MTCL1: variants seen among roughly 807,000 people sequenced by gnomAD.
MTCL1 encodes the protein microtubule cross-linking factor 1.
A neutral mutation model predicts 141.4 loss-of-function variants in MTCL1; 79 were observed. The ratio of observed to expected loss-of-function variants is 0.56; its 90% CI spans 0.47 to 0.67. The LOEUF (loss-of-function observed/expected upper bound fraction) is 0.67, where lower values mean the gene tolerates loss of function less well. Ranked by LOEUF, MTCL1 falls within the 30% of genes least tolerant of loss-of-function variation. MTCL1 has a pLI of 0.00. For missense variants in MTCL1, 2,177 were observed against 2,113.9 expected, an observed-to-expected ratio of 1.03 and a Z score of -0.59; for synonymous variants, 914 against 875.8, an observed-to-expected ratio of 1.04 and a Z score of -0.77.
At chr18:8,802,878 C>T (rs984338575) in intron 10 of MTCL1, among the ~76,000 whole-genome samples, 4 of 152,190 alleles carry the variant, frequency 2.6e-5, no homozygotes, top group African/African-American at 9.6e-5. Context: ...AAAGGTTGCA[C>T]GGCTAGACCC....
At chr18:8,802,416 G>C (rs1423496227) in intron 10 of MTCL1, 1 of 152,224 alleles carries the variant, frequency 6.6e-6, no homozygotes, top group Admixed American at 6.5e-5. Flanking sequence ...AAGCAAAGTA[G>C]TCGGTGGTGG....
intron 4 of MTCL1, among the ~76,000 whole-genome samples, chr18:8,745,196 A>C (rs2096329670): frequency 6.6e-6 from 1 of 152,238 alleles, no homozygotes; most frequent in African/African-American, 2.4e-5. Context: ...TAATTTAAAG[A>C]ATAGTAAAAA....
chr18:8,772,824 A>C (rs586780), intron 4 of MTCL1, among the ~76,000 whole-genome samples: 46,483 of 151,750 alleles, frequency 0.31, 7,828 homozygotes, highest in East Asian at 0.54. Context: ...GTCTAGAAAT[A>C]TAGTATACAA....
At chr18:8,742,113 A>G (rs1403776054) in intron 4 of MTCL1, among the ~76,000 whole-genome samples, 1 of 151,662 alleles carries the variant, frequency 6.6e-6, no homozygotes, top group East Asian at 1.9e-4. Flanking sequence ...TCTAGATAGG[A>G]CAAAAAAAAT....
chr18:8,731,118 G>A (rs534353853), intron 4 of MTCL1, among the ~76,000 whole-genome samples: 38 of 152,146 alleles, frequency 2.5e-4, no homozygotes, highest in African/African-American at 8.4e-4. Context: ...GGTGGCGGGC[G>A]CCTGTAGTCA....
intron 11 of MTCL1, among the ~76,000 whole-genome samples, chr18:8,808,744 C>T (rs1314746502): frequency 6.6e-6 from 1 of 152,248 alleles, no homozygotes; most frequent in Non-Finnish European, 1.5e-5. Flanking sequence ...CTTCAGCAGA[C>T]TCCTAAGTCA....
intron 1 of MTCL1, chr18:8,717,829 G>C (rs2096139675): frequency 4.4e-6 from 4 of 918,186 alleles, no homozygotes; most frequent in Non-Finnish European, 5.2e-6. Context: ...GTGTGGGAAA[G>C]TCAGAATAGG....
At chr18:8,757,196 G>A (rs1046877653) in intron 4 of MTCL1, among the ~76,000 whole-genome samples, 1 of 149,444 alleles carries the variant, frequency 6.7e-6, no homozygotes, top group Non-Finnish European at 1.5e-5. Context: ...GGCAGCTGTG[G>A]TGTTTTCATC....
Position 8,720,508 on chromosome 18 carries a change from C to T in MTCL1, c.357+12C>T, listed in dbSNP as rs2096162846. On this transcript the variant is annotated intron_variant, in intron 4 of 16. Coordinates refer to ENST00000359865, the Ensembl canonical transcript of MTCL1. Reference sequence around the variant, plus strand: ...AGAGACTGAAAGAGGTAATCCAAAACTGTGGGGGTCCTGCCCCCTTGGATT... The same window carrying T: ...AGAGACTGAAAGAGGTAATCCAAAATTGTGGGGGTCCTGCCCCCTTGGATT... 1 of 1,612,368 alleles carries T rather than the reference C, an allele frequency of 6.2e-7. No individual in the cohort carries two copies. The highest frequency in any genetic ancestry group is 2.2e-5 in the East Asian group (1 of 44,850).
chr18:8,768,932 CAGG>C (rs2096472643), intron 4 of MTCL1, among the ~76,000 whole-genome samples: 2 of 151,754 alleles, frequency 1.3e-5, no homozygotes, highest in African/African-American at 2.4e-5. Context: ...GCTGGGATTA[CAGG>C]TGTGCATCAG....
At chr18:8,831,161 G>A (rs1443062446) in intron 16 of MTCL1, 31 of 989,814 alleles carry the variant, frequency 3.1e-5, no homozygotes, top group Non-Finnish European at 3.7e-5. Flanking sequence ...AGGTCTCTTT[G>A]TGGGCTCCCA....
rs1353456358 is a variant in MTCL1, at chr18:8,828,208, C to T, written c.4723-700C>T. 6.6e-6 allele frequency among the ~76,000 whole-genome samples: 1 copy of T among 152,206 alleles called. No homozygotes were observed. The highest frequency in any genetic ancestry group is 1.5e-5 in the Non-Finnish European group (1 of 68,050). ...GACTACTTCTGATTCCAAGCCCACC[C>T]AGTGCGCTGTTGCGGAATCTTTCCC... On this transcript the variant is annotated intron_variant, in intron 15 of 16. Transcript: ENST00000359865. This position sits in a 1 kb window ranked among gnomAD's most constrained non-coding sequence, Gnocchi z 5.2.
exon 6 of MTCL1, chr18:8,784,453 C>T (rs1023405551): frequency 3.2e-6 from 5 of 1,538,720 alleles, no homozygotes; most frequent in Non-Finnish European, 4.4e-6. Context: ...TCCTGAAGGC[C>T]CGGGAGGACT....
chr18:8,786,270 C>T (rs750432571), intron 7 of MTCL1, 179 bp downstream of exon 6: 26 of 763,490 alleles, frequency 3.4e-5, no homozygotes, highest in African/African-American at 1.9e-4. Flanking sequence ...GGCAGGTGTG[C>T]GCAGGTGCCT....
At chr18:8,785,913 A>G (rs748487832) in intron 6 of MTCL1, 23 bp from the exon 6 acceptor site, 4 of 1,547,872 alleles carry the variant, frequency 2.6e-6, no homozygotes, top group Non-Finnish European at 3.5e-6. Context: ...AACAACAACA[A>G]ATTCCTCCCG....
At chr18:8,706,125 C>T in exon 1 of MTCL1, 2 of 1,214,730 alleles carry the variant, frequency 1.6e-6, no homozygotes, top group South Asian at 8.3e-5. Context: ...CGCCGTCTGC[C>T]GCTGCCAAGG....
exon 9 of MTCL1, chr18:8,796,398 G>A (rs200476048): frequency 6.2e-7 from 1 of 1,614,192 alleles, no homozygotes; most frequent in African/African-American, 1.3e-5. Flanking sequence ...GTCAAACTCA[G>A]GTGGCTGCTG....
At chr18:8,784,798 C>G (rs1161726680) in exon 6 of MTCL1, 1 of 1,610,426 alleles carries the variant, frequency 6.2e-7, no homozygotes, top group Admixed American at 1.7e-5. Flanking sequence ...TGTCCCGGGA[C>G]TCCCCCATCG....
chr18:8,727,088 T>G (rs1425941183), intron 4 of MTCL1, among the ~76,000 whole-genome samples: 1 of 152,228 alleles, frequency 6.6e-6, no homozygotes, highest in Non-Finnish European at 1.5e-5. Flanking sequence ...TGACTTAGGA[T>G]AATGGCCTCC....
Sources: allele counts gnomAD v4.1 joint callset (sites outside exome capture counted in the v4.1 genomes callset), GRCh38; gene constraint gnomAD v4.1.1; non-coding constraint Gnocchi (gnomAD v3.1); transcripts MANE v1.5; gene names NCBI Gene and HGNC (gene_info 2026-07-23, HGNC 2026-07-21).